Variants in SEMA6D observed in about 807,000 individuals in gnomAD.
The protein encoded by SEMA6D is semaphorin-6D.
In SEMA6D, 35 loss-of-function variants were observed where a neutral mutation model predicts 106.6. That is an observed-to-expected ratio of 0.33 (90% confidence interval 0.25 to 0.44). The LOEUF (loss-of-function observed/expected upper bound fraction) is 0.44, where lower values mean the gene tolerates loss of function less well. Among genes scored for constraint, SEMA6D ranks in the 20% least tolerant of loss-of-function variants. SEMA6D has a pLI of 1.00. For synonymous variants in SEMA6D, 499 were observed against 487.7 expected (o/e 1.02, Z -0.31); for missense variants, 1,185 against 1,345.9 (o/e 0.88, Z 1.87).
intron 1 of SEMA6D, among the ~76,000 whole-genome samples, chr15:47,390,982 T>A (rs2040010507): frequency 6.6e-6 from 1 of 152,140 alleles, no homozygotes; most frequent in Non-Finnish European, 1.5e-5. Flanking sequence ...GTTGCCCAAT[T>A]CTCATTATTT....
chr15:47,564,737 A>C lies in SEMA6D; in HGVS notation c.-86-36128A>C, dbSNP rs138105189. Among the ~76,000 whole-genome samples the C allele has an allele frequency of 3.3e-5, 5 of 152,258 alleles. No individual in the cohort carries two copies. In the East Asian group the frequency reaches 9.7e-4, roughly 29 times the overall value. Reference sequence around the variant, plus strand: ...AGACCATGGCCCAAAGTGAGAACTTATATCCCTGTTTTCTCACTAGAATGT... The same window carrying C: ...AGACCATGGCCCAAAGTGAGAACTTCTATCCCTGTTTTCTCACTAGAATGT... On this transcript the variant is annotated intron_variant, in intron 3 of 19. Transcript: ENST00000558014.
intron 1 of SEMA6D, among the ~76,000 whole-genome samples, chr15:47,757,390 C>G (rs1410591209): frequency 6.6e-6 from 1 of 152,180 alleles, no homozygotes; most frequent in East Asian, 1.9e-4. Context: ...AAAGCAGGAT[C>G]TAGTTCTTAA....
At chr15:47,451,828 A>G (rs374338496) in intron 2 of SEMA6D, among the ~76,000 whole-genome samples, 26 of 152,146 alleles carry the variant, frequency 1.7e-4, no homozygotes, top group African/African-American at 6.3e-4. Context: ...GCTGGGGGGA[A>G]TATTTGCAGG....
chr15:47,402,655 C>T (rs1019877197), intron 1 of SEMA6D, among the ~76,000 whole-genome samples: 9 of 151,712 alleles, frequency 5.9e-5, no homozygotes, highest in South Asian at 4.2e-4. Flanking sequence ...CAGCATTGTA[C>T]GTATAGATCT....
At chr15:47,577,840 G>A (rs1485228033) in intron 3 of SEMA6D, among the ~76,000 whole-genome samples, 6 of 151,906 alleles carry the variant, frequency 3.9e-5, no homozygotes, top group African/African-American at 1.5e-4. Flanking sequence ...TGTGGTTGGA[G>A]TTTTCAAAAG....
intron 2 of SEMA6D, among the ~76,000 whole-genome samples, chr15:47,442,552 T>C (rs1204409268): frequency 1.3e-5 from 2 of 152,154 alleles, no homozygotes; most frequent in Non-Finnish European, 2.9e-5. Context: ...CTGAGGGTAA[T>C]GTCTGCGTTA....
intron 2 of SEMA6D, among the ~76,000 whole-genome samples, chr15:47,431,074 T>G (rs1362075853): frequency 6.6e-6 from 1 of 152,174 alleles, no homozygotes; most frequent in Non-Finnish European, 1.5e-5. Context: ...ATAAGATTTT[T>G]TTCTCATTTA....
At chr15:47,325,319 G>A (rs990733152) in intron 1 of SEMA6D, among the ~76,000 whole-genome samples, 9 of 152,070 alleles carry the variant, frequency 5.9e-5, no homozygotes, top group East Asian at 5.8e-4. Flanking sequence ...GACTACAGGC[G>A]CCCACCACCA....
At chr15:47,245,805 T>A (rs1243495103) in intron 1 of SEMA6D, among the ~76,000 whole-genome samples, 1 of 152,146 alleles carries the variant, frequency 6.6e-6, no homozygotes, top group Non-Finnish European at 1.5e-5. Context: ...GAGAGGATTC[T>A]AAGCATAAGA....
chr15:47,237,812 G>T (rs946364491), intron 1 of SEMA6D, among the ~76,000 whole-genome samples: 2 of 152,042 alleles, frequency 1.3e-5, no homozygotes, highest in Non-Finnish European at 2.9e-5. Context: ...GGCCCTGGAG[G>T]TCTGTTTCTG....
chr15:47,730,260 C>A lies in SEMA6D; in HGVS notation c.-55+12568C>A, dbSNP rs960091892. Reference sequence around the variant, plus strand: ...TGACGGCGGATCTCATCGTATCTGTCGTTGTAATTGGTCCTGATAGCTTCC... The same window carrying A: ...TGACGGCGGATCTCATCGTATCTGTAGTTGTAATTGGTCCTGATAGCTTCC... On this transcript the variant is annotated intron_variant, in intron 1 of 18. Coordinates refer to ENST00000536845, the MANE Select transcript of SEMA6D (RefSeq NM_001358351.3). The A allele has an allele frequency of 6.5e-6, 10 of 1,543,138 alleles. No homozygotes were observed. In the East Asian group the frequency reaches 1.8e-4, roughly 28 times the overall value.
At chr15:47,763,184 A>T in intron 9 of SEMA6D, 80 bp downstream of exon 9, 1 of 1,088,718 alleles carries the variant, frequency 9.2e-7, no homozygotes, top group East Asian at 2.6e-5. Context: ...AAGGATGCTC[A>T]CTTGGCATGT....
At chr15:47,740,682 A>C (rs1157343717) in intron 1 of SEMA6D, among the ~76,000 whole-genome samples, 1 of 152,198 alleles carries the variant, frequency 6.6e-6, no homozygotes, top group East Asian at 1.9e-4. Context: ...CCAGGAGCCA[A>C]AGGAGCGAGC....
intron 3 of SEMA6D, among the ~76,000 whole-genome samples, chr15:47,565,033 C>CACATTT (rs557573241): frequency 1.3e-5 from 2 of 152,286 alleles, no homozygotes; most frequent in South Asian, 4.1e-4. Flanking sequence ...TAAAATTCCC[C>CACATTT]ACATTTACCA....
At chr15:47,320,705 A>G (rs974113780) in intron 1 of SEMA6D, among the ~76,000 whole-genome samples, 1 of 152,136 alleles carries the variant, frequency 6.6e-6, no homozygotes, top group Non-Finnish European at 1.5e-5. Flanking sequence ...CCTTTTGAAA[A>G]TAATTTCACT....
intron 3 of SEMA6D, among the ~76,000 whole-genome samples, chr15:47,558,234 G>C (rs2045971766): frequency 6.6e-6 from 1 of 152,004 alleles, no homozygotes; most frequent in Non-Finnish European, 1.5e-5. Flanking sequence ...GAGTGAAATT[G>C]GTAGAACCAA....
chr15:47,225,084 AT>A (rs1207755111), intron 1 of SEMA6D, among the ~76,000 whole-genome samples: 1 of 151,914 alleles, frequency 6.6e-6, no homozygotes, highest in African/African-American at 2.4e-5. Flanking sequence ...GTCTTCTCAG[AT>A]TTGGTAGATC....
chr15:47,464,340 A>C (rs58506808), intron 2 of SEMA6D, among the ~76,000 whole-genome samples: 4,400 of 152,130 alleles, frequency 0.029, 207 homozygotes, highest in African/African-American at 0.1. Flanking sequence ...TGCTATTGTA[A>C]TAAATTCAGC....
At chr15:47,665,018 CTGAG>C (rs2077997570) in intron 4 of SEMA6D, among the ~76,000 whole-genome samples, 1 of 152,116 alleles carries the variant, frequency 6.6e-6, no homozygotes, top group Non-Finnish European at 1.5e-5. Context: ...AATTCCAAGG[CTGAG>C]TATTACCGAG....
Sources: allele counts gnomAD v4.1 joint callset (sites outside exome capture counted in the v4.1 genomes callset), GRCh38; gene constraint gnomAD v4.1.1; transcripts MANE v1.5; gene names NCBI Gene and HGNC (gene_info 2026-07-23, HGNC 2026-07-21).